The following ANO2 variants were observed in gnomAD, a reference collection of about 807,000 sequenced individuals.
ANO2 encodes the protein anoctamin 2, also known as anoctamin-2.
In ANO2, 101 loss-of-function variants were observed where a neutral mutation model predicts 124.2. That is an observed-to-expected ratio of 0.81 (90% CI 0.69 to 0.96). The LOEUF (loss-of-function observed/expected upper bound fraction) is 0.96. ANO2 is among the 40% of genes least tolerant of loss of function. The pLI, the probability that ANO2 is intolerant of heterozygous loss-of-function variation, is 0.00. For synonymous variants in ANO2, 486 were observed against 482.5 expected, an observed-to-expected ratio of 1.01 and a Z score of -0.09; for missense variants, 1,293 against 1,274.5, an observed-to-expected ratio of 1.01 and a Z score of -0.22.
chr12:5,940,939 G>C (rs116713693), intron 1 of ANO2, among the ~76,000 whole-genome samples: 1,583 of 152,252 alleles, frequency 0.01, 19 homozygotes, highest in African/African-American at 0.036. Context: ...ATGAAGTACC[G>C]ATATGTGTAA....
intron 3 of ANO2, among the ~76,000 whole-genome samples, chr12:5,882,610 C>G (rs986260985): frequency 6.6e-6 from 1 of 152,158 alleles, no homozygotes; most frequent in African/African-American, 2.4e-5. Context: ...TGTGATGGGT[C>G]TTCTTTTCCA....
At chr12:5,938,290 C>T (rs946112699) in intron 1 of ANO2, among the ~76,000 whole-genome samples, 1 of 152,188 alleles carries the variant, frequency 6.6e-6, no homozygotes, top group Non-Finnish European at 1.5e-5. Context: ...GATCCCTGAC[C>T]CCTGGTAAAT....
rs368940692 is a variant in ANO2 at position 5,921,130 on chromosome 12, G to A, written c.444C>T (p.Leu148=). The change falls in exon 3 of 25, where the codon CTC becomes CTT. Residue 148 remains leucine (L), a synonymous_variant. Coordinates refer to ENST00000682330, the MANE Select transcript of ANO2 (RefSeq NM_001364791.2). Reference sequence around the variant, plus strand: ...CCTTCCTCTCCTCCTCCAGGGCATCGAGCGGTCCCAGCTCAATGTCACCTG... The same window carrying A: ...CCTTCCTCTCCTCCTCCAGGGCATCAAGCGGTCCCAGCTCAATGTCACCTG... The part of the protein sequence containing the change: ...GGPGDIELGP[L]DALEEERKEQ... The A allele has an allele frequency of 6.6e-5, 106 of 1,613,866 alleles. 1 individual carries two copies. In the African/African-American group the frequency reaches 9.2e-4, roughly 14 times the overall value.
chr12:5,904,918 G>T lies in ANO2; in HGVS notation c.534+16122C>A, dbSNP rs1040944042. On this transcript the variant is annotated intron_variant, in intron 3 of 24. Coordinates refer to ENST00000682330, the MANE Select transcript of ANO2 (RefSeq NM_001364791.2). This position sits in a 1 kb window ranked among gnomAD's most constrained non-coding sequence, Gnocchi z 4.1. The stretch of plus-strand genomic sequence containing the variant: ...GGATCAGCAGAACAAAGGGAACAGG[G>T]AACAAAATGATAAGAAGAGGATACT... 3.9e-5 allele frequency among the ~76,000 whole-genome samples: 6 copies of T among 152,198 alleles called. No homozygotes were observed. The highest frequency in any genetic ancestry group is 3.9e-4 in the Admixed American group (6 of 15,284).
intron 10 of ANO2, among the ~76,000 whole-genome samples, chr12:5,752,268 T>C (rs951434039): frequency 3.0e-4 from 45 of 152,248 alleles, no homozygotes; most frequent in African/African-American, 1.0e-3. Context: ...ATGGTAATTA[T>C]ATTTTAATTT....
chr12:5,724,311 T>C (rs1950348009), intron 14 of ANO2, among the ~76,000 whole-genome samples: 2 of 152,076 alleles, frequency 1.3e-5, no homozygotes, highest in African/African-American at 4.8e-5. Flanking sequence ...TTTTTGACCC[T>C]CAAGTGGTTA....
At chr12:5,817,858 G>A (rs548673072) in intron 7 of ANO2, among the ~76,000 whole-genome samples, 1 of 152,116 alleles carries the variant, frequency 6.6e-6, no homozygotes, top group Non-Finnish European at 1.5e-5. Flanking sequence ...AATAGAGAGT[G>A]CAAAAGCCAA....
chr12:5,623,241 T>G (rs1190283847), intron 16 of ANO2, among the ~76,000 whole-genome samples: 1 of 152,108 alleles, frequency 6.6e-6, no homozygotes, highest in Non-Finnish European at 1.5e-5. Context: ...TGGAGGGGAA[T>G]CTAATGGAGA....
chr12:5,879,201 A>T (rs879657834), intron 3 of ANO2, among the ~76,000 whole-genome samples: 6 of 152,204 alleles, frequency 3.9e-5, no homozygotes, highest in African/African-American at 9.6e-5. Context: ...GATTCCACAT[A>T]AACAATTTTT....
Position 5,563,162 on chromosome 12 carries a change from A to T in ANO2, c.*137T>A. On this transcript the variant is annotated 3_prime_UTR_variant, in exon 25 of 25. Coordinates refer to ENST00000682330, the MANE Select transcript of ANO2 (RefSeq NM_001364791.2). ...TCATTCTGTCAGGCTCTTTCTTTTT[A>T]CACACTGCCCCCTCTTCAAGACCCC... 1.7e-6 allele frequency: 2 copies of T among 1,167,994 alleles called. No homozygotes were observed. Among genetic ancestry groups the T allele is most frequent in the Non-Finnish European group, 2.3e-6 (2 of 855,360 alleles). The allele number at this position is 1,167,994 out of a possible 1,614,324, so 72.4% of individuals were successfully genotyped here.
intron 10 of ANO2, among the ~76,000 whole-genome samples, chr12:5,777,897 C>T (rs1250868718): frequency 6.6e-6 from 1 of 152,186 alleles, no homozygotes; most frequent in Non-Finnish European, 1.5e-5. Context: ...AAATGTCAAA[C>T]ACTGGGATGG....
chr12:5,796,427 C>A (rs1952855146), intron 10 of ANO2, among the ~76,000 whole-genome samples: 1 of 151,576 alleles, frequency 6.6e-6, no homozygotes. Flanking sequence ...CATACTCTTA[C>A]ACTCACACAC....
intron 14 of ANO2, among the ~76,000 whole-genome samples, chr12:5,652,986 C>A (rs1333095585): frequency 6.6e-6 from 1 of 152,046 alleles, no homozygotes; most frequent in East Asian, 1.9e-4. Flanking sequence ...GTTTTTAATC[C>A]AGATTTTTAT....
chr12:5,923,061 TAC>T lies in ANO2; in HGVS notation c.23-259_23-258del, dbSNP rs1337884160. Among the ~76,000 whole-genome samples, 224 of 88,096 alleles carry T rather than the reference TAC, an allele frequency of 2.5e-3. 1 individual carries two copies. The highest frequency in any genetic ancestry group is 0.011 in the Middle Eastern group (1 of 94). The allele number at this position is 88,096 out of a possible 152,430, so 57.8% of individuals were successfully genotyped here. A position where few individuals can be genotyped will look rare whatever the true frequency, so the allele number is the denominator to read the frequency against. On this transcript the variant is annotated intron_variant, in intron 1 of 24. Transcript: ENST00000682330. The stretch of plus-strand genomic sequence containing the variant: ...ACACATGCACGCACACACACCCACA[TAC>T]ACACACACATGCACACATACACACA...
chr12:5,810,811 TG>T (rs1267513877), intron 7 of ANO2, among the ~76,000 whole-genome samples: 2 of 152,214 alleles, frequency 1.3e-5, no homozygotes, highest in Non-Finnish European at 2.9e-5. Flanking sequence ...GTTTCCTCCC[TG>T]CCCAGCATGG....
chr12:5,616,126 G>T (rs1944795112), intron 16 of ANO2, among the ~76,000 whole-genome samples: 1 of 152,180 alleles, frequency 6.6e-6, no homozygotes, highest in Non-Finnish European at 1.5e-5. Flanking sequence ...GTGACAAATG[G>T]CATGACAAGG....
chr12:5,573,475 G>A (rs61424495), intron 23 of ANO2, among the ~76,000 whole-genome samples: 3,940 of 152,280 alleles, frequency 0.026, 151 homozygotes, highest in African/African-American at 0.085. Context: ...GTGAGCTTTA[G>A]ACCCTGCTTT....
intron 14 of ANO2, among the ~76,000 whole-genome samples, chr12:5,720,697 A>C (rs1391251358): frequency 6.6e-6 from 1 of 152,172 alleles, no homozygotes; most frequent in Non-Finnish European, 1.5e-5. Flanking sequence ...GAATCTGCCC[A>C]GCCTTAGCTC....
At chr12:5,869,179 C>T (rs1358381941) in intron 3 of ANO2, among the ~76,000 whole-genome samples, 1 of 152,100 alleles carries the variant, frequency 6.6e-6, no homozygotes, top group Non-Finnish European at 1.5e-5. Context: ...TCGCACTCTC[C>T]AAGGCTCGCT....
Sources: gnomAD v4.1 joint callset for allele counts (sites outside exome capture counted in the v4.1 genomes callset) on GRCh38, gnomAD v4.1.1 for gene constraint, Gnocchi (gnomAD v3.1) non-coding constraint, MANE v1.5 for transcripts, NCBI Gene and HGNC (gene_info 2026-07-23, HGNC 2026-07-21) for gene names.